The following LRRC37A3 variants were observed in gnomAD, a reference collection of about 807,000 sequenced individuals.
LRRC37A3 encodes the protein leucine-rich repeat-containing protein 37A3.
In LRRC37A3, 25 loss-of-function variants were observed where a neutral mutation model predicts 106.2. That is an observed-to-expected ratio of 0.24 (90% CI 0.17 to 0.33). The LOEUF (loss-of-function observed/expected upper bound fraction) is 0.33, where lower values mean the gene tolerates loss of function less well. LRRC37A3 is among the 10% of genes least tolerant of loss of function. The pLI, the probability that LRRC37A3 is intolerant of heterozygous loss-of-function variation, is 1.00. For missense variants in LRRC37A3, 712 were observed against 1,644.9 expected, an observed-to-expected ratio of 0.43 and a Z score of 9.81; for synonymous variants, 305 against 635.8, an observed-to-expected ratio of 0.48 and a Z score of 7.83.
intron 8 of LRRC37A3, chr17:64,871,456 T>C (rs1973309335): frequency 6.6e-6 from 1 of 152,022 alleles, no homozygotes; most frequent in Non-Finnish European, 1.5e-5. Flanking sequence ...AATAGTTAAT[T>C]AGTCTATGGT....
chr17:64,863,051 G>A (rs749987581), intron 10 of LRRC37A3, 33 bp from the exon 11 acceptor site: 54 of 1,597,044 alleles, frequency 3.4e-5, no homozygotes, highest in Admixed American at 8.3e-5. Context: ...ATAAATTAGC[G>A]GTAAAGCGGT....
At chr17:64,878,485 C>T (rs918206555) in intron 8 of LRRC37A3, among the ~76,000 whole-genome samples, 7 of 151,756 alleles carry the variant, frequency 4.6e-5, no homozygotes, top group Non-Finnish European at 7.4e-5. Context: ...TCCTATAATT[C>T]GATAAAAAGA....
intron 10 of LRRC37A3, among the ~76,000 whole-genome samples, chr17:64,866,801 T>TATATATATATATA (rs1305702496): frequency 8.0e-6 from 1 of 124,712 alleles, no homozygotes; most frequent in African/African-American, 3.2e-5. Context: ...TGGCTGATTT[T>TATATATATATATA]TATATATATA....
rs1299616458 is a variant in LRRC37A3 at position 64,898,426 on chromosome 17, G to T, written c.-462C>A. The T allele has an allele frequency of 2.6e-5, 6 of 231,346 alleles. No individual in the cohort carries two copies. Among genetic ancestry groups the T allele is most frequent in the African/African-American group, 1.6e-4 (6 of 38,124 alleles). The allele number at this position is 231,346 out of a possible 1,614,324, so 14.3% of individuals were successfully genotyped here. On this transcript the variant is annotated 5_prime_UTR_variant, in exon 3 of 15. It introduces an in-frame stop codon into an upstream open reading frame of the 5' UTR. Transcript: ENST00000584306. ...CGCTTGAACCTGGGAGGCAGAGGTT[G>T]CAGTGAGCCGAGATCACAACATTGC...
At chr17:64,859,142 G>C (rs1972779853) in intron 12 of LRRC37A3, among the ~76,000 whole-genome samples, 2 of 152,016 alleles carry the variant, frequency 1.3e-5, no homozygotes, top group African/African-American at 4.8e-5. Flanking sequence ...TGTGGAGACA[G>C]GCTTTCACTA....
chr17:64,919,086 C>T (rs1974771424), intron 1 of LRRC37A3, among the ~76,000 whole-genome samples: 1 of 151,786 alleles, frequency 6.6e-6, no homozygotes, highest in Non-Finnish European at 1.5e-5. Context: ...GCGTCTTGGG[C>T]GCCACCTCAG....
At chr17:64,863,640 GA>G (rs1424632512) in intron 10 of LRRC37A3, 1 of 153,102 alleles carries the variant, frequency 6.5e-6, no homozygotes, top group African/African-American at 2.4e-5. Context: ...AATGTAGAAG[GA>G]ATGACAGAAT....
chr17:64,904,369 G>A (rs1277287097), intron 2 of LRRC37A3, among the ~76,000 whole-genome samples: 1 of 152,368 alleles, frequency 6.6e-6, no homozygotes, highest in East Asian at 1.9e-4. Context: ...TGGCTAGTCA[G>A]GAGGCTAAGG....
intron 2 of LRRC37A3, among the ~76,000 whole-genome samples, chr17:64,903,746 T>C (rs1974380359): frequency 1.3e-5 from 2 of 152,244 alleles, no homozygotes; most frequent in East Asian, 1.9e-4. Flanking sequence ...CTGAGGGCCA[T>C]GAGTACTAGA....
intron 1 of LRRC37A3, among the ~76,000 whole-genome samples, chr17:64,919,222 C>G (rs1364104065): frequency 1.3e-5 from 2 of 151,788 alleles, no homozygotes; most frequent in African/African-American, 4.8e-5. Context: ...GAGGGAGCCG[C>G]GGGCTGCTTG....
chr17:64,861,035 A>G (rs1598392374), intron 11 of LRRC37A3, 62 bp from the exon 12 acceptor site: 2 of 1,610,334 alleles, frequency 1.2e-6, no homozygotes, highest in Admixed American at 1.7e-5. Context: ...GCATCAGTCC[A>G]TAGCTGTACA....
intron 2 of LRRC37A3, among the ~76,000 whole-genome samples, chr17:64,916,557 G>A (rs1022595575): frequency 6.8e-6 from 1 of 146,650 alleles, no homozygotes; most frequent in African/African-American, 2.5e-5. Flanking sequence ...CAGGCAGATC[G>A]CTTGAGCCCA....
chr17:64,879,725 C>G (rs1973631788), intron 8 of LRRC37A3, among the ~76,000 whole-genome samples: 1 of 152,046 alleles, frequency 6.6e-6, no homozygotes, highest in Admixed American at 6.5e-5. Flanking sequence ...AGTCGGCTAC[C>G]CCCTCATTCT....
Position 64,858,824 on chromosome 17 carries a change from C to G in LRRC37A3, c.4764G>C (p.Val1588=), listed in dbSNP as rs182500146. The change falls in exon 13 of 15, where the codon GTG becomes GTC. Residue 1588 remains valine, a synonymous_variant. Coordinates refer to ENST00000584306, the MANE Select transcript of LRRC37A3 (RefSeq NM_199340.5). Reference sequence around the variant, plus strand: ...TAATCAAAATCGTTAGTATTCCAGTCACAATTAACGCCAAGATGAGTTTTT... The same window carrying G: ...TAATCAAAATCGTTAGTATTCCAGTGACAATTAACGCCAAGATGAGTTTTT... ...YTKKLILALI[V]TGILTILIIL... The G allele has an allele frequency of 1.6e-4, 264 of 1,612,906 alleles. 4 individuals carry two copies. In the East Asian group the frequency reaches 4.5e-3, roughly 27 times the overall value.
intron 13 of LRRC37A3, among the ~76,000 whole-genome samples, chr17:64,857,871 G>T: frequency 6.6e-6 from 1 of 152,220 alleles, no homozygotes; most frequent in Non-Finnish European, 1.5e-5. Flanking sequence ...AGGGCTGGCT[G>T]CCACAATCAT....
intron 8 of LRRC37A3, among the ~76,000 whole-genome samples, chr17:64,874,700 T>C (rs1973449357): frequency 6.6e-6 from 1 of 152,250 alleles, no homozygotes; most frequent in African/African-American, 2.4e-5. Flanking sequence ...ATTGTTGCTG[T>C]GTCTGTGTAG....
In LRRC37A3 at chr17:64,860,538, T is replaced by A; in HGVS notation, c.3608A>T (p.Glu1203Val). ...TGGGGCTGGACTTCCGAGCCTTTTT[T>A]CTTCGGCAGTGTTCTCCACAGATGC... ...AQASVENTAE[E>V]KRLGSPAPRE... Residue 1203 changes from glutamate to valine, a missense_variant, in exon 12 of 15, where the codon GAA becomes GTA. Physicochemically the swap from Glu to Val is moderately radical, Grantham distance 121 (BLOSUM62 -2). Coordinates refer to ENST00000584306, the MANE Select transcript of LRRC37A3 (RefSeq NM_199340.5). 5.0e-6 allele frequency: 8 copies of A among 1,612,928 alleles called. No individual in the cohort carries two copies. Among genetic ancestry groups the A allele is most frequent in the Non-Finnish European group, 6.8e-6 (8 of 1,179,868 alleles).
intron 5 of LRRC37A3, among the ~76,000 whole-genome samples, chr17:64,890,922 T>C (rs1353329094): frequency 6.3e-5 from 3 of 47,916 alleles, no homozygotes; most frequent in Non-Finnish European, 1.0e-4. Context: ...CTTTTTGTAT[T>C]TTTAGTAGAG....
At chr17:64,881,142 C>T (rs1452307710) in intron 8 of LRRC37A3, 3 of 700,986 alleles carry the variant, frequency 4.3e-6, no homozygotes, top group Admixed American at 4.0e-5. Flanking sequence ...TCTCCCCACA[C>T]CAAGCTCCTC....
Sources: gnomAD v4.1 joint callset for allele counts (sites outside exome capture counted in the v4.1 genomes callset) on GRCh38, gnomAD v4.1.1 for gene constraint, MANE v1.5 for transcripts, NCBI Gene and HGNC (gene_info 2026-07-23, HGNC 2026-07-21) for gene names.